Variants in GDF9 observed in about 807,000 individuals in gnomAD.
GDF9 encodes the protein growth differentiation factor 9.
In GDF9, 30 loss-of-function variants were observed where a neutral mutation model predicts 33.8. That is an observed-to-expected ratio of 0.89 (90% confidence interval 0.66 to 1.20). The LOEUF (loss-of-function observed/expected upper bound fraction) is 1.20, where lower values mean the gene tolerates loss of function less well. GDF9 is among the 50% of genes most tolerant of loss of function. The pLI is 0.00. For synonymous variants in GDF9, 205 were observed against 200.7 expected, an observed-to-expected ratio of 1.02 and a Z score of -0.18; for missense variants, 556 against 543.7, an observed-to-expected ratio of 1.02 and a Z score of -0.22.
chr5:132,864,051 A>C, intron 1 of GDF9, 86 bp downstream of exon 1: 1 of 1,349,972 alleles, frequency 7.4e-7, no homozygotes, highest in Non-Finnish European at 1.1e-6. Context: ...AATTCAAGGA[A>C]CTAGGCTCAG....
At chr5:132,863,151 C>T (rs1761468181) in intron 1 of GDF9, among the ~76,000 whole-genome samples, 1 of 152,186 alleles carries the variant, frequency 6.6e-6, no homozygotes, top group African/African-American at 2.4e-5. Flanking sequence ...GAGTAATTTG[C>T]TCCAAACACA....
At position 132,865,461 on chromosome 5, in the gene GDF9, G is replaced by A. The variant is rs1331911975; in HGVS notation, c.-928C>T. The A allele has an allele frequency of 6.6e-6, 1 of 152,136 alleles. No homozygotes were observed. Among genetic ancestry groups the A allele is most frequent in the Non-Finnish European group, 1.5e-5 (1 of 68,032 alleles). 9.4% of individuals were successfully genotyped at this position (152,136 alleles called of 1,614,324 possible). On this transcript the variant is annotated 5_prime_UTR_variant, in exon 1 of 2. Coordinates refer to ENST00000687138, the MANE Select transcript of GDF9 (RefSeq NM_005260.7). Reference sequence around the variant, plus strand: ...CCTGTATTTCTGTTCTTGCCTTGGAGCTGAGACCAGGCTAGACATTATGGT... The same window carrying A: ...CCTGTATTTCTGTTCTTGCCTTGGAACTGAGACCAGGCTAGACATTATGGT...
Position 132,865,295 on chromosome 5 carries a change from C to A in GDF9, c.-762G>T, listed in dbSNP as rs1017516613. On this transcript the variant is annotated 5_prime_UTR_variant, in exon 1 of 2. Coordinates refer to ENST00000687138, the MANE Select transcript of GDF9 (RefSeq NM_005260.7). Reference sequence around the variant, plus strand: ...ATTTTTAAATGTAACATACTGATGTCCTTACTTTGGTCTGCACACTCATCT... The same window carrying A: ...ATTTTTAAATGTAACATACTGATGTACTTACTTTGGTCTGCACACTCATCT... 2.6e-5 allele frequency: 4 copies of A among 152,170 alleles called. No individual in the cohort carries two copies. Among genetic ancestry groups the A allele is most frequent in the African/African-American group, 7.2e-5 (3 of 41,410 alleles). 9.4% of individuals were successfully genotyped at this position (152,170 alleles called of 1,614,324 possible). A position where few individuals can be genotyped will look rare whatever the true frequency, so the allele number is the denominator to read the frequency against.
At position 132,861,517 on chromosome 5, in the gene GDF9, C is replaced by T; in HGVS notation, c.*72G>A. 1 of 1,287,682 alleles carries T rather than the reference C, an allele frequency of 7.8e-7. No homozygotes were observed. Among genetic ancestry groups the T allele is most frequent in the Non-Finnish European group, 1.1e-6 (1 of 882,978 alleles). 79.8% of individuals were successfully genotyped at this position (1,287,682 alleles called of 1,614,324 possible). ...TTAGAGACTTAATATATGAAGCTTT[C>T]TCTTGAAGGCACACATAGGCACACA... On this transcript the variant is annotated 3_prime_UTR_variant, in exon 2 of 2. Transcript: ENST00000687138.
chr5:132,863,387 T>C (rs756206559), intron 1 of GDF9, among the ~76,000 whole-genome samples: 19 of 151,986 alleles, frequency 1.3e-4, no homozygotes, highest in Non-Finnish European at 2.1e-4. Context: ...AGGAAGCAGA[T>C]ACAACTGCCC....
chr5:132,861,291 A>G lies in GDF9; in HGVS notation c.*298T>C, dbSNP rs533601854. ...TGATGCTAATTAAGGTTTTTTCCCT[A>G]TCAAGAATAAGACTCCTATGAAAAG... is the stretch of plus-strand genomic sequence containing the variant. On this transcript the variant is annotated 3_prime_UTR_variant, in exon 2 of 2. Transcript: ENST00000687138. 2 of 355,394 alleles carry G rather than the reference A, an allele frequency of 5.6e-6. No homozygotes were observed. The highest frequency in any genetic ancestry group is 9.0e-5 in the Admixed American group (2 of 22,258). The allele number at this position is 355,394 out of a possible 1,614,324, so 22.0% of individuals were successfully genotyped here.
chr5:132,861,772 A>G lies in GDF9; in HGVS notation c.1182T>C (p.Tyr394=), dbSNP rs376173165. The change falls in exon 2 of 2, where the codon TAT becomes TAC. Residue 394 remains tyrosine, a synonymous_variant. Transcript: ENST00000687138. ...GDCPRAVGHR[Y]GSPVHTMVQN... ...GTACCATGGTGTGAACTGGAGAGCC[A>G]TACCGATGTCCAACTGCCCTTGGAC... The G allele has an allele frequency of 5.5e-5, 88 of 1,611,704 alleles. No homozygotes were observed. The highest frequency in any genetic ancestry group is 1.6e-4 in the Middle Eastern group (1 of 6,082).
rs1490758511 is a variant in GDF9, at chr5:132,861,469, T to G, written c.*120A>C. 2.3e-6 allele frequency: 2 copies of G among 869,106 alleles called. No individual in the cohort carries two copies. Among genetic ancestry groups the G allele is most frequent in the African/African-American group, 3.3e-5 (2 of 60,378 alleles). 53.8% of individuals were successfully genotyped at this position (869,106 alleles called of 1,614,324 possible). ...GAAGGTACTAACCTACACAGGCTCCTCTTTATATAACATATGCTACATTTA... is the reference window on the plus strand; with the variant it reads ...GAAGGTACTAACCTACACAGGCTCCGCTTTATATAACATATGCTACATTTA... On this transcript the variant is annotated 3_prime_UTR_variant, in exon 2 of 2. Coordinates refer to ENST00000687138, the MANE Select transcript of GDF9 (RefSeq NM_005260.7).
In GDF9 at chr5:132,862,525, G is replaced by T; in HGVS notation, c.429C>A (p.Asn143Lys). 6.2e-7 allele frequency: 1 copy of T among 1,609,160 alleles called. No homozygotes were observed. The highest frequency in any genetic ancestry group is 8.5e-7 in the Non-Finnish European group (1 of 1,178,572). ...GILPSVELLF[N>K]LDRITTVEHL... ...GTTCAACGGTAGTAATGCGATCCAGGTTAAATAGCAGTTCCACTGATGGAA... is the reference window on the plus strand; with the variant it reads ...GTTCAACGGTAGTAATGCGATCCAGTTTAAATAGCAGTTCCACTGATGGAA... The change falls in exon 2 of 2, where the codon AAC becomes AAA. Residue 143 changes from asparagine (N) to lysine (K), a missense_variant. Coordinates refer to ENST00000687138, the MANE Select transcript of GDF9 (RefSeq NM_005260.7).
In GDF9 at chr5:132,862,558, T is replaced by TA; in HGVS notation, c.398-3dup. On this transcript the variant is annotated splice_polypyrimidine_tract_variant and splice_region_variant and intron_variant, in intron 1 of 1. Coordinates refer to ENST00000687138, the MANE Select transcript of GDF9 (RefSeq NM_005260.7). The stretch of plus-strand genomic sequence containing the variant: ...GCAGTTCCACTGATGGAAGGATTCC[T>TA]AAGAAGAAAAAAAATCTACCAGTAG... 6.2e-7 allele frequency: 1 copy of TA among 1,602,292 alleles called. No individual in the cohort carries two copies. The highest frequency in any genetic ancestry group is 8.5e-7 in the Non-Finnish European group (1 of 1,178,190).
rs1235260575 is a variant in GDF9, at chr5:132,862,475, T to C, written c.479A>G (p.Tyr160Cys). ...AAAAGAAACTGAGTTGTTGATATTG[T>C]ACAGCAAGACTGACTTGAGTAAGTG... ...VEHLLKSVLL[Y>C]NINNSVSFSS... Residue 160 changes from tyrosine (Y) to cysteine (C), a missense_variant, in exon 2 of 2, where the codon TAC (tyrosine) becomes TGC (cysteine). Coordinates refer to ENST00000687138, the MANE Select transcript of GDF9 (RefSeq NM_005260.7). 1.9e-6 allele frequency: 3 copies of C among 1,613,524 alleles called. No individual in the cohort carries two copies. The East Asian group carries it at 6.7e-5, about 36-fold the overall frequency.
rs754503543 is a variant in GDF9 at position 132,861,576 on chromosome 5, A to T, written c.*13T>A. 2.5e-6 allele frequency: 4 copies of T among 1,612,542 alleles called. No individual in the cohort carries two copies. The highest frequency in any genetic ancestry group is 3.4e-6 in the Non-Finnish European group (4 of 1,178,656). On this transcript the variant is annotated 3_prime_UTR_variant, in exon 2 of 2. Coordinates refer to ENST00000687138, the MANE Select transcript of GDF9 (RefSeq NM_005260.7). ...TTTGCCAAATAGGCTCAAGGTTTTA[A>T]GAGGACCATTTGTTAACGACAGGTG... is the stretch of plus-strand genomic sequence containing the variant.
rs930529731 is a variant in GDF9 at position 132,864,807 on chromosome 5, C to T, written c.-274G>A. ...TTTCCCCTGGCATTTACGTAAAACCCGTTACTGTTACACTACCGGACTAAC... is the reference window on the plus strand; with the variant it reads ...TTTCCCCTGGCATTTACGTAAAACCTGTTACTGTTACACTACCGGACTAAC... On this transcript the variant is annotated 5_prime_UTR_variant, in exon 1 of 2. Transcript: ENST00000687138. 1.6e-4 allele frequency: 78 copies of T among 474,484 alleles called. No individual in the cohort carries two copies. The highest frequency in any genetic ancestry group is 2.2e-4 in the Non-Finnish European group (59 of 265,940). The allele number at this position is 474,484 out of a possible 1,614,324, so 29.4% of individuals were successfully genotyped here.
intron 1 of GDF9, 94 bp downstream of exon 1, chr5:132,864,043 T>C: frequency 1.5e-6 from 2 of 1,295,688 alleles, no homozygotes; most frequent in South Asian, 1.2e-5. Context: ...TAAAATACAA[T>C]TCAAGGAACT....
rs1370463610 is a variant in GDF9 at position 132,862,365 on chromosome 5, A to G, written c.589T>C (p.Phe197Leu). 1.2e-6 allele frequency: 2 copies of G among 1,613,998 alleles called. No individual in the cohort carries two copies. Among genetic ancestry groups the G allele is most frequent in the Non-Finnish European group, 1.7e-6 (2 of 1,179,814 alleles). Residue 197 changes from phenylalanine (F) to leucine (L), a missense_variant, in exon 2 of 2, where the codon TTT becomes CTT. Coordinates refer to ENST00000687138, the MANE Select transcript of GDF9 (RefSeq NM_005260.7). ...SRTLGRAPYS[F>L]TFNSQFEFGK... is the part of the protein sequence containing the mutation. ...AATTCAAACTGTGAGTTAAAGGTAA[A>G]TGAGTATGGAGCTCTGCCGAGAGTC...
chr5:132,864,132 C>T lies in GDF9; in HGVS notation c.397+5G>A, dbSNP rs752126809. On this transcript the variant is annotated splice_donor_5th_base_variant and intron_variant, in intron 1 of 1. Transcript: ENST00000687138. ...CACCCAGTTAACCAATCTGCTTTCACATACCTGTTACCTGGTCTCCAGGAG... is the reference window on the plus strand; with the variant it reads ...CACCCAGTTAACCAATCTGCTTTCATATACCTGTTACCTGGTCTCCAGGAG... 1 of 1,614,174 alleles carries T rather than the reference C, an allele frequency of 6.2e-7. No individual in the cohort carries two copies. Among genetic ancestry groups the T allele is most frequent in the Admixed American group, 1.7e-5 (1 of 60,028 alleles).
In GDF9 at chr5:132,861,996, C is replaced by G. The variant is rs1321340406; in HGVS notation, c.958G>C (p.Gly320Arg). ...GRSSHHRHRR[G>R]QETVSSELKK... ...AATTCAGAACTGACAGTTTCCTGAC[C>G]TCTGCGGTGACGGTGATGGGAAGAT... The change falls in exon 2 of 2, where the codon GGT (glycine) becomes CGT (arginine). Residue 320 changes from glycine (G) to arginine (R), a missense_variant. Coordinates refer to ENST00000687138, the MANE Select transcript of GDF9 (RefSeq NM_005260.7). 6.2e-7 allele frequency: 1 copy of G among 1,614,116 alleles called. No homozygotes were observed. Among genetic ancestry groups the G allele is most frequent in the Non-Finnish European group, 8.5e-7 (1 of 1,179,952 alleles).
Position 132,862,265 on chromosome 5 carries a change from C to A in GDF9, c.689G>T (p.Ser230Ile). 1 of 1,613,646 alleles carries A rather than the reference C, an allele frequency of 6.2e-7. No homozygotes were observed. Among genetic ancestry groups the A allele is most frequent in the East Asian group, 2.2e-5 (1 of 44,884 alleles). ...LQPLVASNKR[S>I]IHMSINFTCM... ...AGTAAAATTTATAGACATGTGAATA[C>A]TTCTCTTGTTGGAGGCCACTAAAGG... Residue 230 changes from serine to isoleucine, a missense_variant, in exon 2 of 2, where the codon AGT becomes ATT. Coordinates refer to ENST00000687138, the MANE Select transcript of GDF9 (RefSeq NM_005260.7).
chr5:132,865,940 G>A lies in GDF9; in HGVS notation c.-1407C>T, dbSNP rs1486622006. ...CCCCCCACCCCACGCAAACCATCTG[G>A]GGAGGACGCTGGCTGCTGTCGAGGC... On this transcript the variant is annotated 5_prime_UTR_variant, in exon 1 of 2. Coordinates refer to ENST00000687138, the MANE Select transcript of GDF9 (RefSeq NM_005260.7). 1.3e-5 allele frequency among the ~76,000 whole-genome samples: 2 copies of A among 152,290 alleles called. No homozygotes were observed. Among genetic ancestry groups the A allele is most frequent in the East Asian group, 3.9e-4 (2 of 5,184 alleles).
Sources: allele counts gnomAD v4.1 joint callset (sites outside exome capture counted in the v4.1 genomes callset), GRCh38; gene constraint gnomAD v4.1.1; transcripts MANE v1.5; gene names NCBI Gene and HGNC (gene_info 2026-07-23, HGNC 2026-07-21).